Variants in GPHN observed in about 807,000 individuals in gnomAD.
The protein encoded by GPHN is gephyrin.
Under a neutral mutation model 95.5 loss-of-function variants are expected in GPHN, and 17 were observed. That is an observed-to-expected ratio of 0.18 (90% CI 0.12 to 0.27). The LOEUF is 0.27. Among genes scored for constraint, GPHN ranks in the 10% least tolerant of loss-of-function variants. The pLI, the probability that GPHN is intolerant of heterozygous loss-of-function variation, is 1.00. For missense variants in GPHN, 660 were observed against 978.1 expected (o/e 0.67, Z 4.34); for synonymous variants, 320 against 322.5 (o/e 0.99, Z 0.08).
At chr14:67,513,230 A>G in the GPHN span, among the ~76,000 whole-genome samples, 3 of 152,190 alleles carry the variant, frequency 2.0e-5, no homozygotes, top group Non-Finnish European at 2.9e-5. Context: ...CATTATCCTC[A>G]GCTCCGAATA....
chr14:67,088,232 G>A (rs536410243), intron 11 of GPHN, among the ~76,000 whole-genome samples: 1 of 151,886 alleles, frequency 6.6e-6, no homozygotes, highest in African/African-American at 2.4e-5. Context: ...TGTAGAAAAC[G>A]TGGAAATTTT....
chr14:67,255,180 T>C, the GPHN span, among the ~76,000 whole-genome samples: 2,448 of 152,152 alleles, frequency 0.016, 72 homozygotes, highest in African/African-American at 0.055. Context: ...TCTCTTATAA[T>C]GCTTTTTTAG....
intron 1 of GPHN, among the ~76,000 whole-genome samples, chr14:66,530,577 G>A (rs13379118): frequency 0.31 from 47,270 of 152,024 alleles, 11,177 homozygotes; most frequent in African/African-American, 0.63. Flanking sequence ...GAAACCCAGG[G>A]CCCTGGTGGC....
chr14:66,653,689 G>A (rs1439650458), intron 1 of GPHN, among the ~76,000 whole-genome samples: 1 of 152,186 alleles, frequency 6.6e-6, no homozygotes, highest in East Asian at 1.9e-4. Context: ...CACACCACAT[G>A]TAATCTTTTG....
At chr14:67,140,906 G>T (rs1918483) in intron 17 of GPHN, among the ~76,000 whole-genome samples, 48,089 of 151,836 alleles carry the variant, frequency 0.32, 11,880 homozygotes, top group African/African-American at 0.67. Flanking sequence ...TCAAAAATAC[G>T]TTAAGTACAA....
At chr14:66,773,993 G>GTTTTTT (rs1172451199) in intron 2 of GPHN, among the ~76,000 whole-genome samples, 3 of 89,974 alleles carry the variant, frequency 3.3e-5, no homozygotes, top group East Asian at 3.8e-4. Context: ...TATCTAGAAA[G>GTTTTTT]TTTTTTTTTT....
At chr14:67,583,926 G>A in the GPHN span, 2 of 1,611,678 alleles carry the variant, frequency 1.2e-6, no homozygotes, top group Non-Finnish European at 8.5e-7. Flanking sequence ...CTGTGGGGAG[G>A]TCTCAGGCCT....
the GPHN span, among the ~76,000 whole-genome samples, chr14:67,645,372 G>A: frequency 1.3e-5 from 2 of 152,108 alleles, no homozygotes; most frequent in Non-Finnish European, 2.9e-5. Flanking sequence ...AGGGCTAATG[G>A]ATAAAATTAT....
chr14:66,890,905 A>G (rs1461933294), intron 5 of GPHN, among the ~76,000 whole-genome samples: 1 of 152,114 alleles, frequency 6.6e-6, no homozygotes, highest in Non-Finnish European at 1.5e-5. Flanking sequence ...AACACTCAAC[A>G]AACTAGGAAA....
At chr14:67,086,957 G>C (rs908267367) in intron 11 of GPHN, among the ~76,000 whole-genome samples, 2 of 142,254 alleles carry the variant, frequency 1.4e-5, no homozygotes, top group Non-Finnish European at 3.0e-5. Flanking sequence ...AGAATGGCGT[G>C]AACCCAGAAG....
At chr14:67,641,694 C>A in the GPHN span, among the ~76,000 whole-genome samples, 155 of 152,270 alleles carry the variant, frequency 1.0e-3, no homozygotes, top group African/African-American at 3.6e-3. Context: ...AATCCCAGCA[C>A]TTTGGGAGGA....
chr14:66,657,315 G>A (rs987687358), intron 1 of GPHN, among the ~76,000 whole-genome samples: 2 of 152,328 alleles, frequency 1.3e-5, no homozygotes, highest in East Asian at 1.9e-4. Flanking sequence ...GAGGAAATAA[G>A]TCATCTCTGT....
chr14:67,435,550 T>C, the GPHN span, among the ~76,000 whole-genome samples: 84 of 152,362 alleles, frequency 5.5e-4, no homozygotes, highest in African/African-American at 1.9e-3. Flanking sequence ...ATTGGAGTGT[T>C]GTAACACTGT....
At chr14:67,633,923 C>G in the GPHN span, among the ~76,000 whole-genome samples, 1 of 152,268 alleles carries the variant, frequency 6.6e-6, no homozygotes, top group East Asian at 1.9e-4. Flanking sequence ...CTTCCTGGGT[C>G]TCTGTTCCCG....
the GPHN span, among the ~76,000 whole-genome samples, chr14:67,637,410 CAAAAAAAAAAAAA>C: frequency 0.013 from 1,326 of 103,718 alleles, 27 homozygotes; most frequent in African/African-American, 0.056. Flanking sequence ...GACTCTGTCT[CAAAAAAAAAAAAA>C]AAAAAAAAAA....
At chr14:67,317,498 G>C in the GPHN span, 9 of 1,545,432 alleles carry the variant, frequency 5.8e-6, no homozygotes, top group Admixed American at 1.6e-4. Context: ...TACTCTCAGG[G>C]ATAGGTGGAA....
intron 5 of GPHN, among the ~76,000 whole-genome samples, chr14:66,882,800 A>G (rs2063990934): frequency 6.6e-6 from 1 of 151,148 alleles, no homozygotes; most frequent in Non-Finnish European, 1.5e-5. Context: ...ATTACTCCTG[A>G]AGGATATTTT....
At chr14:67,247,137 A>G in the GPHN span, among the ~76,000 whole-genome samples, 1 of 152,254 alleles carries the variant, frequency 6.6e-6, no homozygotes, top group Non-Finnish European at 1.5e-5. Flanking sequence ...CAACCTGAAG[A>G]TAATTGACAT....
the GPHN span, chr14:67,642,195 TAA>T: frequency 6.2e-7 from 1 of 1,613,882 alleles, no homozygotes; most frequent in South Asian, 1.1e-5. Context: ...GGCTGCCACC[TAA>T]AAGACTTTGG....
Sources: allele counts gnomAD v4.1 joint callset (sites outside exome capture counted in the v4.1 genomes callset), GRCh38; gene constraint gnomAD v4.1.1; transcripts MANE v1.5; gene names NCBI Gene and HGNC (gene_info 2026-07-23, HGNC 2026-07-21).